The following PRKG1 variants were observed in gnomAD, a reference collection of about 807,000 sequenced individuals.
PRKG1 encodes the protein cGMP-dependent protein kinase 1.
A neutral mutation model predicts 88.1 loss-of-function variants in PRKG1; 35 were observed. That is an observed-to-expected ratio of 0.40 (90% CI 0.30 to 0.53). The LOEUF is 0.53. Ranked by LOEUF, PRKG1 falls within the 20% of genes least tolerant of loss-of-function variation. PRKG1 has a pLI of 0.59. For missense variants in PRKG1, 540 were observed against 839.8 expected (o/e 0.64, Z 4.41); for synonymous variants, 303 against 292.5 (o/e 1.04, Z -0.37).
intron 9 of PRKG1, among the ~76,000 whole-genome samples, chr10:52,203,978 C>T (rs972368936): frequency 1.8e-4 from 28 of 152,052 alleles, no homozygotes; most frequent in African/African-American, 5.6e-4. Flanking sequence ...TGCAACCTGT[C>T]GCTTGGTGCC....
chr10:51,779,566 T>C (rs1564643506), intron 3 of PRKG1, among the ~76,000 whole-genome samples: 1 of 152,154 alleles, frequency 6.6e-6, no homozygotes, highest in African/African-American at 2.4e-5. Context: ...AAAAATCATA[T>C]GATAAAATTA....
intron 1 of PRKG1, among the ~76,000 whole-genome samples, chr10:51,100,164 G>A (rs1045949491): frequency 6.6e-6 from 1 of 152,114 alleles, no homozygotes; most frequent in Non-Finnish European, 1.5e-5. Context: ...AAAGTGCTGT[G>A]ATTACAGAAA....
intron 1 of PRKG1, among the ~76,000 whole-genome samples, chr10:51,148,660 A>G (rs1217517028): frequency 6.6e-6 from 1 of 152,108 alleles, no homozygotes; most frequent in East Asian, 1.9e-4. Flanking sequence ...ATTCTCTCCT[A>G]ATATGTAAGA....
chr10:52,277,239 TG>T (rs144729797), intron 12 of PRKG1, among the ~76,000 whole-genome samples: 2,068 of 152,130 alleles, frequency 0.014, 45 homozygotes, highest in African/African-American at 0.047. Flanking sequence ...ATGGGGAAAG[TG>T]AAAAGAACAG....
intron 9 of PRKG1, among the ~76,000 whole-genome samples, chr10:52,165,939 C>A (rs1020702309): frequency 6.6e-6 from 1 of 152,180 alleles, no homozygotes; most frequent in Non-Finnish European, 1.5e-5. Context: ...CTCAAAACTC[C>A]TCTACTGCAG....
In PRKG1 at chr10:51,373,204, C is replaced by G. The variant is rs1414379065; in HGVS notation, c.479-94519C>G. On this transcript the variant is annotated intron_variant, in intron 2 of 17. Coordinates refer to ENST00000373980, the MANE Select transcript of PRKG1 (RefSeq NM_006258.4). ...AAAACTTACTGTAACTATATGTTAT[C>G]TATTTCTGTATAACAAATTTTCACA... Among the ~76,000 whole-genome samples the G allele has an allele frequency of 2.0e-5, 3 of 152,150 alleles. No homozygotes were observed. The East Asian group carries it at 5.8e-4, about 29-fold the overall frequency.
chr10:52,089,861 G>A (rs1206384446), intron 7 of PRKG1, among the ~76,000 whole-genome samples: 1 of 132,156 alleles, frequency 7.6e-6, no homozygotes, highest in African/African-American at 3.0e-5. Flanking sequence ...CCAGGCTGGA[G>A]TGCAGTGGAG....
At chr10:51,710,371 T>C (rs1260611803) in intron 3 of PRKG1, among the ~76,000 whole-genome samples, 1 of 152,242 alleles carries the variant, frequency 6.6e-6, no homozygotes. Flanking sequence ...AAAGATTTTT[T>C]TTTTCTTTAT....
chr10:51,053,816 C>T lies in PRKG1; in HGVS notation c.266+62172C>T, dbSNP rs534230952. ...TTAACTTTTGAATATATTGAGACAT[C>T]GTGGAACTGAAGTTTGGAAAACTTG... On this transcript the variant is annotated intron_variant, in intron 1 of 17. Coordinates refer to the PRKG1 transcript ENST00000401604. Among the ~76,000 whole-genome samples, 12 of 147,712 alleles carry T rather than the reference C, an allele frequency of 8.1e-5. No individual in the cohort carries two copies. The East Asian group carries it at 9.9e-4, about 12-fold the overall frequency.
rs200515562 is a variant in PRKG1, at chr10:51,150,091, TA to T, written c.312-3065del. Among the ~76,000 whole-genome samples the T allele has an allele frequency of 3.6e-4, 55 of 151,980 alleles. No homozygotes were observed. The East Asian group carries it at 0.01, about 28-fold the overall frequency. Reference sequence around the variant, plus strand: ...GTACACAAAGGCAGATAGTAAAGATTAAAAAAAATCATGATCTTTGTGGTTG... The same window carrying T: ...GTACACAAAGGCAGATAGTAAAGATTAAAAAAATCATGATCTTTGTGGTTG... On this transcript the variant is annotated intron_variant, in intron 1 of 17. Transcript: ENST00000373980.
intron 3 of PRKG1, among the ~76,000 whole-genome samples, chr10:51,778,883 A>G (rs926614723): frequency 1.3e-5 from 2 of 152,190 alleles, no homozygotes; most frequent in African/African-American, 4.8e-5. Context: ...TTTGATTAAT[A>G]AAGCCAAAAG....
intron 1 of PRKG1, among the ~76,000 whole-genome samples, chr10:51,137,435 T>A (rs557934506): frequency 6.6e-6 from 1 of 152,304 alleles, no homozygotes; most frequent in East Asian, 1.9e-4. Flanking sequence ...CATCTGTATT[T>A]TTAAAAATCT....
At position 52,035,976 on chromosome 10, in the gene PRKG1, AGTT is replaced by A. The variant is rs552824842; in HGVS notation, c.763-18501_763-18499del. The stretch of plus-strand genomic sequence containing the variant: ...GCTAACCATGCCTAGGAAGGAAAGG[AGTT>A]GTTGTTTTGTAGAAGGTGCTTGGGT... On this transcript the variant is annotated intron_variant, in intron 5 of 17. Transcript: ENST00000373980. 5.3e-3 allele frequency among the ~76,000 whole-genome samples: 805 copies of A among 152,128 alleles called. 4 individuals are homozygous for A. Among genetic ancestry groups the A allele is most frequent in the African/African-American group, 0.018 (753 of 41,444 alleles).
At chr10:52,132,429 TA>T (rs1246402065) in intron 7 of PRKG1, among the ~76,000 whole-genome samples, 1 of 152,142 alleles carries the variant, frequency 6.6e-6, no homozygotes, top group Non-Finnish European at 1.5e-5. Flanking sequence ...TGCCAAATAT[TA>T]AATACAAATA....
At chr10:51,675,356 C>T (rs1768947760) in intron 3 of PRKG1, among the ~76,000 whole-genome samples, 1 of 152,184 alleles carries the variant, frequency 6.6e-6, no homozygotes, top group South Asian at 2.1e-4. Context: ...TGTACTGTAT[C>T]ATGTCTTGCT....
intron 2 of PRKG1, among the ~76,000 whole-genome samples, chr10:51,349,565 G>A (rs1309157759): frequency 6.6e-6 from 1 of 150,780 alleles, no homozygotes; most frequent in African/African-American, 2.4e-5. Flanking sequence ...GGAGTGCAGT[G>A]GCATGATCTT....
intron 2 of PRKG1, among the ~76,000 whole-genome samples, chr10:51,260,196 A>G (rs1564659185): frequency 1.3e-5 from 2 of 152,160 alleles, no homozygotes; most frequent in Admixed American, 6.5e-5. Context: ...TTAAAGCACC[A>G]TATGAGCCAG....
chr10:51,789,647 A>C (rs540692057), intron 3 of PRKG1, among the ~76,000 whole-genome samples: 1 of 152,278 alleles, frequency 6.6e-6, no homozygotes, highest in South Asian at 2.1e-4. Context: ...GCCTAAGAGC[A>C]CCAGACAGGA....
At chr10:51,012,497 A>G (rs1354387987) in intron 1 of PRKG1, among the ~76,000 whole-genome samples, 1 of 152,224 alleles carries the variant, frequency 6.6e-6, no homozygotes, top group Non-Finnish European at 1.5e-5. Flanking sequence ...TTCCAAGACC[A>G]TCCATTCCAA....
Sources: gnomAD v4.1 joint callset for allele counts (sites outside exome capture counted in the v4.1 genomes callset) on GRCh38, gnomAD v4.1.1 for gene constraint, MANE v1.5 for transcripts, NCBI Gene and HGNC (gene_info 2026-07-23, HGNC 2026-07-21) for gene names.